MARCHF8: variants seen among roughly 807,000 people sequenced by gnomAD.
MARCHF8 encodes the protein E3 ubiquitin-protein ligase MARCHF8.
MARCHF8 carries 40 observed loss-of-function variants against 51.6 expected under a neutral mutation model. The ratio of observed to expected loss-of-function variants is 0.77; its 90% confidence interval spans 0.60 to 1.01. MARCHF8 has a LOEUF of 1.01. MARCHF8 is among the 50% of genes least tolerant of loss of function. The pLI is 0.00. For missense variants in MARCHF8, 685 were observed against 708.6 expected (o/e 0.97, Z 0.38); for synonymous variants, 263 against 280.3 (o/e 0.94, Z 0.62).
Position 45,533,261 on chromosome 10 carries a change from T to C in MARCHF8, c.-50A>G, listed in dbSNP as rs752143757. On this transcript the variant is annotated 5_prime_UTR_variant, in exon 2 of 8. Coordinates refer to ENST00000453424, the MANE Select transcript of MARCHF8 (RefSeq NM_001282866.2). Reference sequence around the variant, plus strand: ...CTTCACAGAAGAGAGTCTCCACTGGTAGAGTCATTTTGGGCCATGGATTTC... The same window carrying C: ...CTTCACAGAAGAGAGTCTCCACTGGCAGAGTCATTTTGGGCCATGGATTTC... The C allele has an allele frequency of 1.3e-5, 20 of 1,551,522 alleles. No homozygotes were observed. Among genetic ancestry groups the C allele is most frequent in the Non-Finnish European group, 1.6e-5 (18 of 1,153,914 alleles).
intron 2 of MARCHF8, among the ~76,000 whole-genome samples, chr10:45,530,636 T>C (rs141563413): frequency 1.0e-3 from 158 of 152,084 alleles, no homozygotes; most frequent in Admixed American, 2.8e-3. Flanking sequence ...GAAAAACTTA[T>C]CCAGGCATGG....
At chr10:45,548,579 T>C (rs1360178875) in intron 1 of MARCHF8, among the ~76,000 whole-genome samples, 2 of 152,304 alleles carry the variant, frequency 1.3e-5, no homozygotes, top group East Asian at 3.9e-4. Flanking sequence ...GCAAAAATAC[T>C]GAAAACACTC....
At chr10:45,471,848 A>T (rs937645713) in intron 3 of MARCHF8, among the ~76,000 whole-genome samples, 1 of 152,240 alleles carries the variant, frequency 6.6e-6, no homozygotes, top group Non-Finnish European at 1.5e-5. Context: ...GTGTGGAACA[A>T]GACTTCCGTG....
intron 2 of MARCHF8, among the ~76,000 whole-genome samples, chr10:45,526,840 G>A (rs1468073307): frequency 6.6e-6 from 1 of 152,046 alleles, no homozygotes; most frequent in East Asian, 1.9e-4. Flanking sequence ...ATTAGCATGT[G>A]GAACATTTTC....
chr10:45,493,808 C>T (rs942383338), intron 2 of MARCHF8, among the ~76,000 whole-genome samples: 1 of 152,078 alleles, frequency 6.6e-6, no homozygotes, highest in African/African-American at 2.4e-5. Flanking sequence ...AGGGTTTTGC[C>T]ATGTTGTCCA....
upstream of MARCHF8, among the ~76,000 whole-genome samples, chr10:45,536,867 A>G (rs1327230127): frequency 6.8e-6 from 1 of 147,806 alleles, no homozygotes; most frequent in Non-Finnish European, 1.5e-5. Context: ...AATAATAATA[A>G]TAATAATAAT....
chr10:45,489,502 G>T, intron 2 of MARCHF8, 85 bp from the exon 3 acceptor site: 2 of 1,202,998 alleles, frequency 1.7e-6, no homozygotes, highest in South Asian at 1.3e-5. Flanking sequence ...CAACCCTACT[G>T]ACAAATCATT....
intron 3 of MARCHF8, among the ~76,000 whole-genome samples, chr10:45,472,172 A>G (rs919827753): frequency 5.3e-5 from 8 of 151,190 alleles, no homozygotes; most frequent in African/African-American, 1.9e-4. Context: ...TCCCAGGAAC[A>G]CTCCCACATT....
intron 2 of MARCHF8, among the ~76,000 whole-genome samples, chr10:45,527,162 G>A (rs568304036): frequency 1.2e-4 from 19 of 152,104 alleles, no homozygotes; most frequent in Admixed American, 3.9e-4. Flanking sequence ...AGTTTATAGC[G>A]TTAAATGCCT....
At chr10:45,492,067 G>A (rs79229095) in intron 2 of MARCHF8, among the ~76,000 whole-genome samples, 4,916 of 152,266 alleles carry the variant, frequency 0.032, 109 homozygotes, top group Middle Eastern at 0.085. Context: ...ATTTGATAAT[G>A]CAAGCTTTTA....
intron 3 of MARCHF8, among the ~76,000 whole-genome samples, chr10:45,475,468 C>T (rs138548605): frequency 1.8e-3 from 267 of 152,320 alleles, no homozygotes; most frequent in Non-Finnish European, 2.9e-3. Context: ...CTGGGGACTG[C>T]GCAGCCCATT....
chr10:45,463,803 T>A lies in MARCHF8; in HGVS notation c.436A>T (p.Thr146Ser). 6.5e-7 allele frequency: 1 copy of A among 1,549,924 alleles called. No individual in the cohort carries two copies. Among genetic ancestry groups the A allele is most frequent in the Non-Finnish European group, 8.7e-7 (1 of 1,147,102 alleles). The change falls in exon 5 of 8, where the codon ACC becomes TCC. Residue 146 changes from threonine (T) to serine (S), a missense_variant. Thr to Ser is a moderately conservative substitution (Grantham distance 58, BLOSUM62 1). Coordinates refer to ENST00000453424, the MANE Select transcript of MARCHF8 (RefSeq NM_001282866.2). Reference sequence around the variant, plus strand: ...AACTTTAGTGTTCTTCTGGCTTTGGTATTCTTAGCAGGCTTCAAGGCCTGG... The same window carrying A: ...AACTTTAGTGTTCTTCTGGCTTTGGAATTCTTAGCAGGCTTCAAGGCCTGG... ...WAQALKPAKN[T>S]KARRTLKFSR...
chr10:45,575,846 T>A (rs2044483751), intron 1 of MARCHF8, among the ~76,000 whole-genome samples: 1 of 152,108 alleles, frequency 6.6e-6, no homozygotes, highest in Non-Finnish European at 1.5e-5. Flanking sequence ...CCTTGTGAAA[T>A]TCCTTCTCCT....
chr10:45,587,084 A>G (rs1239054031), intron 1 of MARCHF8, among the ~76,000 whole-genome samples: 1 of 152,152 alleles, frequency 6.6e-6, no homozygotes, highest in Non-Finnish European at 1.5e-5. Context: ...CTATCATAAT[A>G]TTGGACTTGA....
rs1842852435 is a variant in MARCHF8 at position 45,463,288 on chromosome 10, T to C, written c.951A>G (p.Thr317=). 2 of 1,551,006 alleles carry C rather than the reference T, an allele frequency of 1.3e-6. No individual in the cohort carries two copies. The highest frequency in any genetic ancestry group is 8.7e-7 in the Non-Finnish European group (1 of 1,147,088). Residue 317 remains threonine (T), a synonymous_variant, in exon 5 of 8, where the codon ACA becomes ACG. Transcript: ENST00000453424. ...GAACCCTACTCTTCAGTTTTGCAGA[T>C]GTGCTGTCCTCAAAGACATCGTCGT... is the stretch of plus-strand genomic sequence containing the variant. The part of the protein sequence containing the change: ...MGDDDVFEDS[T]SAKLKSRVLR...
chr10:45,463,610 A>G lies in MARCHF8; in HGVS notation c.629T>C (p.Leu210Pro). 1 of 1,550,684 alleles carries G rather than the reference A, an allele frequency of 6.4e-7. No individual in the cohort carries two copies. The highest frequency in any genetic ancestry group is 8.7e-7 in the Non-Finnish European group (1 of 1,147,014). ...KEKRTLNHKP[L>P]GNSKHSCVSC... ...AACACAAGAATGTTTGGAATTGCCA[A>G]GAGGTTTGTGGTTCAGGGTTCTTTT... Residue 210 changes from leucine (L) to proline (P), a missense_variant, in exon 5 of 8, where the codon CTT becomes CCT. Leu to Pro is a moderately conservative substitution (Grantham distance 98, BLOSUM62 -3). Coordinates refer to ENST00000453424, the MANE Select transcript of MARCHF8 (RefSeq NM_001282866.2).
At chr10:45,485,241 A>C (rs1471532012) in intron 3 of MARCHF8, among the ~76,000 whole-genome samples, 1 of 152,222 alleles carries the variant, frequency 6.6e-6, no homozygotes, top group Non-Finnish European at 1.5e-5. Context: ...GTGAAGGTGC[A>C]ATGGAAAAAA....
chr10:45,580,538 T>C lies in MARCHF8; in HGVS notation c.-79+13697A>G, dbSNP rs368538593. Among the ~76,000 whole-genome samples the C allele has an allele frequency of 1.1e-4, 17 of 152,306 alleles. 1 individual carries two copies. The East Asian group carries it at 1.5e-3, about 14-fold the overall frequency. On this transcript the variant is annotated intron_variant, in intron 1 of 6. Transcript: ENST00000319836. ...ATACCTGGCTGCATTCAGTAAACAT[T>C]TGCTGCTTCAAATTTACAAACTCTC...
At chr10:45,546,241 A>G (rs2044120444) in intron 1 of MARCHF8, among the ~76,000 whole-genome samples, 1 of 151,150 alleles carries the variant, frequency 6.6e-6, no homozygotes, top group South Asian at 2.1e-4. Flanking sequence ...GCTCACTGAA[A>G]CCTCCACCTT....
Sources: allele counts gnomAD v4.1 joint callset (sites outside exome capture counted in the v4.1 genomes callset), GRCh38; gene constraint gnomAD v4.1.1; transcripts MANE v1.5; gene names NCBI Gene and HGNC (gene_info 2026-07-23, HGNC 2026-07-21).